Variants in FAM120B observed in about 807,000 individuals in gnomAD.
The protein encoded by FAM120B is constitutive coactivator of peroxisome proliferator-activated receptor gamma.
FAM120B carries 83 observed loss-of-function variants against 96.3 expected under a neutral mutation model. The ratio of observed to expected loss-of-function variants is 0.86; its 90% CI spans 0.72 to 1.03. The LOEUF is 1.03. FAM120B is among the 50% of genes least tolerant of loss of function. The pLI, the probability that FAM120B is intolerant of heterozygous loss-of-function variation, is 0.00. For missense variants in FAM120B, 1,027 were observed against 1,121.2 expected (o/e 0.92, Z 1.20); for synonymous variants, 407 against 402.7 (o/e 1.01, Z -0.13).
intron 6 of FAM120B, among the ~76,000 whole-genome samples, chr6:170,382,119 T>C (rs949405523): frequency 6.6e-6 from 1 of 152,080 alleles, no homozygotes; most frequent in African/African-American, 2.4e-5. Flanking sequence ...CCAAGGAATC[T>C]ACAAAAAAAA....
At chr6:170,298,870 G>A (rs1469188088) in intron 1 of FAM120B, among the ~76,000 whole-genome samples, 3 of 152,174 alleles carry the variant, frequency 2.0e-5, no homozygotes, top group Admixed American at 6.5e-5. Flanking sequence ...GGGCACCAAG[G>A]AGCCAACCAC....
At chr6:170,375,280 G>T (rs1470713803) in intron 6 of FAM120B, among the ~76,000 whole-genome samples, 1 of 152,206 alleles carries the variant, frequency 6.6e-6, no homozygotes, top group Admixed American at 6.5e-5. Flanking sequence ...TAGGCAACAG[G>T]GCCTCACAAA....
At chr6:170,364,744 G>T (rs1388516575) in intron 6 of FAM120B, among the ~76,000 whole-genome samples, 11 of 152,162 alleles carry the variant, frequency 7.2e-5, no homozygotes. Context: ...CCCTTCAGAG[G>T]CTGGTGCTGC....
intron 4 of FAM120B, among the ~76,000 whole-genome samples, chr6:170,336,058 C>T (rs1171465638): frequency 1.3e-5 from 2 of 152,192 alleles, no homozygotes; most frequent in Non-Finnish European, 2.9e-5. Flanking sequence ...TTAATTAGAT[C>T]CCATTTGTCA....
chr6:170,346,387 A>C (rs1207502999), intron 4 of FAM120B, among the ~76,000 whole-genome samples: 1 of 152,084 alleles, frequency 6.6e-6, no homozygotes, highest in African/African-American at 2.4e-5. Flanking sequence ...CATTGTTTTT[A>C]TTTTCTTCTT....
At position 170,327,336 on chromosome 6, in the gene FAM120B, G is replaced by A. The variant is rs62425622; in HGVS notation, c.1916-3113G>A. Among the ~76,000 whole-genome samples the A allele has an allele frequency of 1.2e-4, 18 of 152,258 alleles. No homozygotes were observed. The East Asian group carries it at 2.7e-3, about 23-fold the overall frequency. On this transcript the variant is annotated intron_variant, in intron 3 of 10. Transcript: ENST00000476287. The stretch of plus-strand genomic sequence containing the variant: ...GCTGGGATTACAGGCGTGAGCCACC[G>A]CGCCCGGCCAACTTGAATTTTATAG...
At position 170,318,926 on chromosome 6, in the gene FAM120B, AG is replaced by A; in HGVS notation, c.1537del (p.Asp513IlefsTer22). ...ESKQEVPICT[D>X]PISKQEDSMC... ...CCAAACAGGAAGTTCCCATATGTAC[AG>A]ATCCTATATCCAAGCAAGAAGACTC... On this transcript the variant is annotated frameshift_variant, in exon 2 of 11. Coordinates refer to ENST00000476287, the MANE Select transcript of FAM120B (RefSeq NM_032448.3). LOFTEE classifies it high-confidence loss of function. 1 of 1,614,230 alleles carries A rather than the reference AG, an allele frequency of 6.2e-7. No homozygotes were observed. Among genetic ancestry groups the A allele is most frequent in the East Asian group, 2.2e-5 (1 of 44,882 alleles).
chr6:170,383,940 A>G (rs1667332360), intron 6 of FAM120B, among the ~76,000 whole-genome samples: 2 of 152,356 alleles, frequency 1.3e-5, no homozygotes, highest in Admixed American at 6.5e-5. Flanking sequence ...ACTCGGCAAT[A>G]AAGAGGAATG....
In FAM120B at chr6:170,404,745, C is replaced by A. The variant is rs891568185; in HGVS notation, c.*12-18C>A. 13 of 672,492 alleles carry A rather than the reference C, an allele frequency of 1.9e-5. No individual in the cohort carries two copies. Among genetic ancestry groups the A allele is most frequent in the African/African-American group, 3.6e-5 (2 of 55,420 alleles). 41.7% of individuals were successfully genotyped at this position (672,492 alleles called of 1,614,324 possible). On this transcript the variant is annotated intron_variant, in intron 10 of 10. Coordinates refer to ENST00000476287, the MANE Select transcript of FAM120B (RefSeq NM_032448.3). Reference sequence around the variant, plus strand: ...GTGCCGAGTTAACTTGGTTTCAAAACACTCTTGCTTCCTCCAGAAAGAGTA... The same window carrying A: ...GTGCCGAGTTAACTTGGTTTCAAAAAACTCTTGCTTCCTCCAGAAAGAGTA...
chr6:170,361,218 A>ATACG (rs1788389699), intron 6 of FAM120B, among the ~76,000 whole-genome samples: 2 of 108,848 alleles, frequency 1.8e-5, no homozygotes, highest in South Asian at 7.6e-4. Flanking sequence ...ATATATATAT[A>ATACG]TATATATATA....
intron 3 of FAM120B, among the ~76,000 whole-genome samples, chr6:170,326,550 T>C (rs1470645357): frequency 2.0e-5 from 3 of 152,166 alleles, no homozygotes; most frequent in African/African-American, 7.2e-5. Flanking sequence ...ACTTTTTCTG[T>C]GAAGGGTCAG....
Position 170,330,384 on chromosome 6 carries a change from T to C in FAM120B, c.1916-65T>C. 4.6e-6 allele frequency: 6 copies of C among 1,300,626 alleles called. No homozygotes were observed. In the South Asian group the frequency reaches 7.3e-5, roughly 16 times the overall value. 80.6% of individuals were successfully genotyped at this position (1,300,626 alleles called of 1,614,324 possible). On this transcript the variant is annotated intron_variant, in intron 3 of 10. Coordinates refer to ENST00000476287, the MANE Select transcript of FAM120B (RefSeq NM_032448.3). ...TTGGCCACCTGGGCAGAGCTGGGTC[T>C]GTGACACTGTGAGCCTGGCGATGCA...
chr6:170,292,264 A>T (rs1467373355), upstream of FAM120B, among the ~76,000 whole-genome samples: 1 of 152,190 alleles, frequency 6.6e-6, no homozygotes, highest in Non-Finnish European at 1.5e-5. This position sits in a 1 kb window ranked among gnomAD's most constrained non-coding sequence, Gnocchi z 6.6. Flanking sequence ...AAATGAGTTT[A>T]TTGGGAGGGC....
chr6:170,334,200 C>A (rs1786262290), intron 4 of FAM120B, among the ~76,000 whole-genome samples: 1 of 152,152 alleles, frequency 6.6e-6, no homozygotes. Context: ...AAAACTAATG[C>A]ACACATCTCA....
intron 3 of FAM120B, among the ~76,000 whole-genome samples, chr6:170,328,744 A>G (rs946983716): frequency 1.3e-5 from 2 of 152,086 alleles, no homozygotes; most frequent in African/African-American, 4.8e-5. Context: ...CCTCTGGGCC[A>G]TTTGTTGACT....
At position 170,295,786 on chromosome 6, in the gene FAM120B, G is replaced by A. The variant is rs1390444566; in HGVS notation, c.48+333G>A. Among the ~76,000 whole-genome samples the A allele has an allele frequency of 1.3e-5, 2 of 152,102 alleles. No homozygotes were observed. The highest frequency in any genetic ancestry group is 6.5e-5 in the Admixed American group (1 of 15,286). On this transcript the variant is annotated intron_variant, in intron 1 of 10. Coordinates refer to the FAM120B transcript ENST00000537664. This position sits in a 1 kb window ranked among gnomAD's most constrained non-coding sequence, Gnocchi z 7.8. Reference sequence around the variant, plus strand: ...CCCACCTGGTTCGTGTCGGGGGGTCGTTTTGCGGTGGGGGGAGTCCGAACC... The same window carrying A: ...CCCACCTGGTTCGTGTCGGGGGGTCATTTTGCGGTGGGGGGAGTCCGAACC...
chr6:170,304,808 C>T (rs1784222674), upstream of FAM120B, among the ~76,000 whole-genome samples: 2 of 152,116 alleles, frequency 1.3e-5, no homozygotes, highest in African/African-American at 2.4e-5. Context: ...CCTACTCCTC[C>T]TTCCAGGCTC....
In FAM120B at chr6:170,295,703, G is replaced by T. The variant is rs114240862; in HGVS notation, c.48+250G>T. Among the ~76,000 whole-genome samples the T allele has an allele frequency of 0.015, 2,239 of 152,200 alleles. 53 individuals carry two copies. The highest frequency in any genetic ancestry group is 0.052 in the African/African-American group (2,153 of 41,538). On this transcript the variant is annotated intron_variant, in intron 1 of 10. Coordinates refer to the FAM120B transcript ENST00000537664. The surrounding 1 kb of genome is among the most constrained non-coding windows in gnomAD (Gnocchi z 7.8). ...GTGCGGCCGGGTCCCGGCGCCACAC[G>T]CCCTTTTCCTTTCTCAGGATCCGCG...
chr6:170,307,293 C>T lies in FAM120B; in HGVS notation c.-22+451C>T, dbSNP rs556466494. Among the ~76,000 whole-genome samples the T allele has an allele frequency of 9.2e-5, 14 of 152,302 alleles. No homozygotes were observed. In the East Asian group the frequency reaches 2.5e-3, roughly 27 times the overall value. On this transcript the variant is annotated intron_variant, in intron 1 of 10. Transcript: ENST00000476287. Reference sequence around the variant, plus strand: ...ATCCTCTGATCTCTTCACTTTTCTCCCATCATCTGTGGGCTATCCCTGAAT... The same window carrying T: ...ATCCTCTGATCTCTTCACTTTTCTCTCATCATCTGTGGGCTATCCCTGAAT...
Sources: gnomAD v4.1 joint callset for allele counts (sites outside exome capture counted in the v4.1 genomes callset) on GRCh38, gnomAD v4.1.1 for gene constraint, Gnocchi (gnomAD v3.1) non-coding constraint, MANE v1.5 for transcripts, NCBI Gene and HGNC (gene_info 2026-07-23, HGNC 2026-07-21) for gene names.